Variants in TYW1B observed in about 807,000 individuals in gnomAD.
TYW1B encodes the protein S-adenosyl-L-methionine-dependent tRNA 4-demethylwyosine synthase TYW1B.
TYW1B carries 73 observed loss-of-function variants against 86.9 expected under a neutral mutation model. The observed-to-expected ratio is 0.84, with a 90% CI of 0.70 to 1.02. The LOEUF is 1.02. Ranked by LOEUF, TYW1B falls within the 50% of genes least tolerant of loss-of-function variation. The pLI is 0.00. For missense variants in TYW1B, 637 were observed against 827.4 expected, an observed-to-expected ratio of 0.77 and a Z score of 2.82; for synonymous variants, 248 against 292.8, an observed-to-expected ratio of 0.85 and a Z score of 1.56.
chr7:72,674,498 T>A (rs1365151586), intron 11 of TYW1B, among the ~76,000 whole-genome samples: 1 of 152,022 alleles, frequency 6.6e-6, no homozygotes, highest in Non-Finnish European at 1.5e-5. Context: ...ATTTTTTTTT[T>A]AATTAGGTCT....
In TYW1B at chr7:72,825,972, AAAG is replaced by A. The variant is rs1554481358; in HGVS notation, c.135+880_135+882del. On this transcript the variant is annotated intron_variant, in intron 2 of 13. Transcript: ENST00000620995. ...AGGGGAAAAGGCTGGGAGAAAGAAT[AAAG>A]AAGGTTAGATGACCAATTCAGTTCA... Among the ~76,000 whole-genome samples the A allele has an allele frequency of 3.3e-5, 5 of 152,344 alleles. No individual in the cohort carries two copies. The East Asian group carries it at 7.7e-4, about 23-fold the overall frequency.
chr7:72,669,981 A>G (rs1335502592), intron 11 of TYW1B, among the ~76,000 whole-genome samples: 2 of 150,892 alleles, frequency 1.3e-5, no homozygotes, highest in Admixed American at 1.3e-4. Flanking sequence ...ATAAATAAAG[A>G]TTAGCTGGCT....
chr7:72,635,527 G>A (rs1812646234), intron 11 of TYW1B, among the ~76,000 whole-genome samples: 2 of 152,046 alleles, frequency 1.3e-5, no homozygotes, highest in African/African-American at 4.8e-5. Context: ...CCCTTTTCCT[G>A]AAAAGAACTA....
chr7:72,753,966 G>A (rs1554465535), intron 7 of TYW1B, among the ~76,000 whole-genome samples: 1 of 152,106 alleles, frequency 6.6e-6, no homozygotes, highest in African/African-American at 2.4e-5. Context: ...CTTCGTTGCA[G>A]TGGTCTGGAA....
At chr7:72,773,657 G>C (rs1223900229) in intron 7 of TYW1B, among the ~76,000 whole-genome samples, 1 of 152,184 alleles carries the variant, frequency 6.6e-6, no homozygotes, top group Non-Finnish European at 1.5e-5. Context: ...CCCAAGTACT[G>C]TTCAGCACAT....
intron 6 of TYW1B, among the ~76,000 whole-genome samples, chr7:72,797,061 C>T (rs1436718878): frequency 2.6e-5 from 4 of 151,812 alleles, no homozygotes; most frequent in African/African-American, 9.7e-5. Context: ...CCTGCCTCAG[C>T]CTCCCAAAGT....
intron 12 of TYW1B, among the ~76,000 whole-genome samples, chr7:72,625,257 A>C (rs138961648): frequency 1.3e-5 from 2 of 152,140 alleles, no homozygotes; most frequent in Admixed American, 6.6e-5. Flanking sequence ...AGAGAGCTCA[A>C]AAATATTGTT....
intron 7 of TYW1B, 80 bp from the exon 8 acceptor site, chr7:72,744,681 G>A (rs1787365140): frequency 1.4e-6 from 2 of 1,428,988 alleles, no homozygotes; most frequent in Non-Finnish European, 2.0e-6. Context: ...ATTTTTAAGA[G>A]AAACCATGTG....
chr7:72,712,994 C>A (rs1554455062), intron 10 of TYW1B, among the ~76,000 whole-genome samples: 1 of 151,978 alleles, frequency 6.6e-6, no homozygotes. Flanking sequence ...AAGTACCAAT[C>A]CCAGACATAA....
intron 11 of TYW1B, among the ~76,000 whole-genome samples, chr7:72,636,676 A>G (rs1812674677): frequency 6.6e-6 from 1 of 152,116 alleles, no homozygotes; most frequent in South Asian, 2.1e-4. Flanking sequence ...TATTAACCTT[A>G]TCCTACCAGC....
chr7:72,683,298 A>G (rs34645663), intron 11 of TYW1B, among the ~76,000 whole-genome samples: 3 of 152,198 alleles, frequency 2.0e-5, no homozygotes, highest in Non-Finnish European at 4.4e-5. Context: ...GACTGGGCGC[A>G]GTGGCTCACA....
intron 6 of TYW1B, among the ~76,000 whole-genome samples, chr7:72,799,269 G>A (rs1473487383): frequency 2.0e-5 from 3 of 147,078 alleles, no homozygotes; most frequent in Non-Finnish European, 3.0e-5. Flanking sequence ...AAAGATTCTC[G>A]TGCCTCAGCC....
intron 9 of TYW1B, among the ~76,000 whole-genome samples, chr7:72,724,559 C>T (rs1554458303): frequency 1.3e-5 from 2 of 152,192 alleles, no homozygotes; most frequent in Non-Finnish European, 2.9e-5. Flanking sequence ...ACACCCTCCA[C>T]ACCTTCAAAC....
chr7:72,574,845 C>G lies in TYW1B; in HGVS notation c.*653G>C, dbSNP rs1227066837. The G allele has an allele frequency of 1.0e-6, 1 of 985,300 alleles. No individual in the cohort carries two copies. The highest frequency in any genetic ancestry group is 6.2e-5 in the Admixed American group (1 of 16,256). The allele number at this position is 985,300 out of a possible 1,614,324, so 61.0% of individuals were successfully genotyped here. On this transcript the variant is annotated 3_prime_UTR_variant, in exon 14 of 14. Transcript: ENST00000620995. ...AGACAGCTTCACTCCGCTCCAGCCC[C>G]GGTACTGCGGTCTGTGGTAATTTAC... is the stretch of plus-strand genomic sequence containing the variant.
chr7:72,606,209 G>A (rs1384636002), intron 13 of TYW1B, among the ~76,000 whole-genome samples: 2 of 150,948 alleles, frequency 1.3e-5, no homozygotes, highest in African/African-American at 4.9e-5. Context: ...AAAAAAAAAA[G>A]AGTCCCAAGT....
chr7:72,687,804 C>T (rs1373577654), intron 11 of TYW1B, among the ~76,000 whole-genome samples: 6 of 151,960 alleles, frequency 3.9e-5, no homozygotes, highest in Middle Eastern at 3.4e-3. Context: ...GCCTGTAATC[C>T]CAGCATTTTG....
intron 11 of TYW1B, among the ~76,000 whole-genome samples, chr7:72,678,512 C>T (rs1340764778): frequency 6.6e-6 from 1 of 152,172 alleles, no homozygotes; most frequent in African/African-American, 2.4e-5. Flanking sequence ...CAACAAAATG[C>T]TCACCCACTC....
intron 7 of TYW1B, among the ~76,000 whole-genome samples, chr7:72,766,553 G>A (rs576853654): frequency 5.4e-4 from 77 of 141,796 alleles, no homozygotes; most frequent in Non-Finnish European, 9.3e-4. Flanking sequence ...GGCAGAGGTT[G>A]CCGTGAGCCA....
chr7:72,770,443 A>G (rs1358588503), intron 7 of TYW1B, among the ~76,000 whole-genome samples: 9 of 150,986 alleles, frequency 6.0e-5, no homozygotes, highest in East Asian at 5.8e-4. Flanking sequence ...AAAAAAAAAA[A>G]AAAGAAAAAA....
Sources: gnomAD v4.1 joint callset for allele counts (sites outside exome capture counted in the v4.1 genomes callset) on GRCh38, gnomAD v4.1.1 for gene constraint, MANE v1.5 for transcripts, NCBI Gene and HGNC (gene_info 2026-07-23, HGNC 2026-07-21) for gene names.